Variants in KSR1 observed in about 807,000 individuals in gnomAD.
The protein encoded by KSR1 is kinase suppressor of ras.
Under a neutral mutation model 92.9 loss-of-function variants are expected in KSR1, and 35 were observed. That is an observed-to-expected ratio of 0.38 (90% confidence interval 0.29 to 0.50). The LOEUF (loss-of-function observed/expected upper bound fraction) is 0.50, where lower values mean the gene tolerates loss of function less well. Ranked by LOEUF, KSR1 falls within the 20% of genes least tolerant of loss-of-function variation. KSR1 has a pLI of 0.94. For synonymous variants in KSR1, 467 were observed against 472.6 expected, an observed-to-expected ratio of 0.99 and a Z score of 0.15; for missense variants, 972 against 1,158.5, an observed-to-expected ratio of 0.84 and a Z score of 2.34.
chr17:27,566,403 A>G (rs933329349), intron 2 of KSR1: 8 of 399,232 alleles, frequency 2.0e-5, no homozygotes, highest in African/African-American at 1.6e-4. Flanking sequence ...CTTCCCTGGG[A>G]CACTGCACTG....
chr17:27,596,126 TG>T (rs1241574272), intron 9 of KSR1, among the ~76,000 whole-genome samples: 1 of 152,226 alleles, frequency 6.6e-6, no homozygotes, highest in Non-Finnish European at 1.5e-5. Context: ...GGAAAAACCA[TG>T]ATCCCTACAG....
chr17:27,575,646 AAGATGGAATGG>A (rs1192481023), intron 2 of KSR1, among the ~76,000 whole-genome samples: 9 of 152,132 alleles, frequency 5.9e-5, no homozygotes, highest in African/African-American at 1.9e-4. Flanking sequence ...GCCCCTATTC[AAGATGGAATGG>A]CTCTGGTTCC....
chr17:27,597,165 G>A (rs565155275), intron 9 of KSR1, 103 bp from the exon 10 acceptor site: 1 of 1,287,790 alleles, frequency 7.8e-7, no homozygotes, highest in Admixed American at 2.1e-5. Flanking sequence ...AGGATTCCCT[G>A]GGCTGACTGC....
intron 1 of KSR1, among the ~76,000 whole-genome samples, chr17:27,467,930 G>A (rs2019781266): frequency 6.6e-6 from 1 of 150,980 alleles, no homozygotes; most frequent in Non-Finnish European, 1.5e-5. Context: ...TCCTGCCACA[G>A]CCTCCCGAGT....
intron 1 of KSR1, among the ~76,000 whole-genome samples, chr17:27,529,318 T>C (rs937727585): frequency 6.6e-6 from 1 of 152,252 alleles, no homozygotes; most frequent in Non-Finnish European, 1.5e-5. Context: ...TGTTCTGTGA[T>C]TGACACACCA....
intron 3 of KSR1, among the ~76,000 whole-genome samples, chr17:27,580,830 G>T (rs529375216): frequency 6.6e-6 from 1 of 152,098 alleles, no homozygotes. Context: ...GCAGTGGCGC[G>T]ATCTTGGCTC....
At chr17:27,573,009 C>T (rs62057818) in intron 2 of KSR1, among the ~76,000 whole-genome samples, 20,584 of 152,112 alleles carry the variant, frequency 0.14, 1,546 homozygotes, top group Admixed American at 0.23. Flanking sequence ...ACTGAGAAAG[C>T]CTGGTCCCCT....
rs1273752444 is a variant in KSR1 at position 27,624,586 on chromosome 17, T to G, written c.*1194T>G. The G allele has an allele frequency of 6.6e-6, 1 of 152,212 alleles. No homozygotes were observed. The highest frequency in any genetic ancestry group is 1.5e-5 in the Non-Finnish European group (1 of 68,070). 9.4% of individuals were successfully genotyped at this position (152,212 alleles called of 1,614,324 possible). ...GCTGGATTTGGAAAAGTCTTTGAAG[T>G]GAGAGCACCACGCTTGTCTTCGTTA... On this transcript the variant is annotated 3_prime_UTR_variant, in exon 21 of 21. Transcript: ENST00000644974.
chr17:27,592,653 G>A (rs368987115), intron 9 of KSR1, 27 bp downstream of exon 9: 73 of 1,583,932 alleles, frequency 4.6e-5, no homozygotes, highest in African/African-American at 3.5e-4. Context: ...TGGGGAGGAC[G>A]CCCTTCTGCC....
Position 27,577,645 on chromosome 17 carries a change from TG to T in KSR1, c.520+10del. 6.5e-7 allele frequency: 1 copy of T among 1,547,372 alleles called. No individual in the cohort carries two copies. On this transcript the variant is annotated splice_region_variant and intron_variant, in intron 3 of 20. Coordinates refer to ENST00000644974, the MANE Select transcript of KSR1 (RefSeq NM_001394583.1). This position sits in a 1 kb window ranked among gnomAD's most constrained non-coding sequence, Gnocchi z 4.5. The stretch of plus-strand genomic sequence containing the variant: ...GCGGAAGGTGACAGGCCTGGGTACG[TG>T]GGGCCTGCCACCCTCTCCCTTGCCT...
At chr17:27,511,663 G>A (rs1391943152) in intron 1 of KSR1, among the ~76,000 whole-genome samples, 1 of 152,202 alleles carries the variant, frequency 6.6e-6, no homozygotes, top group African/African-American at 2.4e-5. Flanking sequence ...TAGGGAGAAT[G>A]TGTGATTTAG....
intron 3 of KSR1, among the ~76,000 whole-genome samples, chr17:27,581,298 A>G (rs565440273): frequency 6.6e-6 from 1 of 152,250 alleles, no homozygotes; most frequent in East Asian, 1.9e-4. Context: ...GTCACCTCCC[A>G]CCAGCCCCCA....
chr17:27,558,704 T>G (rs201209982), intron 2 of KSR1, among the ~76,000 whole-genome samples: 7 of 27,108 alleles, frequency 2.6e-4, no homozygotes, highest in Non-Finnish European at 3.6e-4. Context: ...CTGTTTTTTG[T>G]TTTTTTTTTT....
chr17:27,509,256 A>G (rs1466609806), intron 1 of KSR1, among the ~76,000 whole-genome samples: 2 of 151,938 alleles, frequency 1.3e-5, no homozygotes, highest in African/African-American at 4.8e-5. Flanking sequence ...CATGCCTGTA[A>G]TCCTAGCACT....
At chr17:27,588,568 C>T in intron 6 of KSR1, 33 bp downstream of exon 6, 1 of 1,559,596 alleles carries the variant, frequency 6.4e-7, no homozygotes, top group Non-Finnish European at 8.7e-7. Context: ...GGGAGCAGGG[C>T]ACAGCCGGGC....
chr17:27,475,034 G>A (rs560119824), intron 1 of KSR1, among the ~76,000 whole-genome samples: 3 of 152,334 alleles, frequency 2.0e-5, no homozygotes, highest in African/African-American at 7.2e-5. Flanking sequence ...GGGTCAGGAT[G>A]GGTTTGCAGA....
At chr17:27,566,289 G>A (rs778540712) in intron 2 of KSR1, 50 of 391,652 alleles carry the variant, frequency 1.3e-4, no homozygotes, top group Non-Finnish European at 1.8e-4. Flanking sequence ...CACCTGCCCC[G>A]GGAAGTATGT....
intron 1 of KSR1, among the ~76,000 whole-genome samples, chr17:27,498,323 GT>G (rs2069062031): frequency 1.4e-5 from 2 of 138,834 alleles, no homozygotes; most frequent in African/African-American, 5.5e-5. Context: ...GGGCAATAGA[GT>G]GAGACTCAGT....
intron 1 of KSR1, among the ~76,000 whole-genome samples, chr17:27,493,406 C>T (rs1042321724): frequency 3.9e-5 from 6 of 152,130 alleles, no homozygotes; most frequent in African/African-American, 1.4e-4. Flanking sequence ...GGAAATCATG[C>T]CCTTGAATTC....
Sources: allele counts gnomAD v4.1 joint callset (sites outside exome capture counted in the v4.1 genomes callset), GRCh38; gene constraint gnomAD v4.1.1; non-coding constraint Gnocchi (gnomAD v3.1); transcripts MANE v1.5; gene names NCBI Gene and HGNC (gene_info 2026-07-23, HGNC 2026-07-21).